Variants in SRCAP observed in about 807,000 individuals in gnomAD.
SRCAP encodes chromatin remodeling protein SRCAP.
SRCAP carries 46 observed loss-of-function variants against 263.1 expected under a neutral mutation model. The ratio of observed to expected loss-of-function variants is 0.17; its 90% CI spans 0.14 to 0.22. The LOEUF (loss-of-function observed/expected upper bound fraction) is 0.22. Ranked by LOEUF, SRCAP falls within the 10% of genes least tolerant of loss-of-function variation. SRCAP has a pLI of 1.00. For synonymous variants in SRCAP, 1,813 were observed against 1,662.1 expected (o/e 1.09, Z -2.21); for missense variants, 3,695 against 4,181.9 (o/e 0.88, Z 3.21).
In SRCAP at chr16:30,716,168, C is replaced by T. The variant is rs1348506199; in HGVS notation, c.2596C>T (p.Arg866Cys). 3 of 1,614,136 alleles carry T rather than the reference C, an allele frequency of 1.9e-6. No individual in the cohort carries two copies. The highest frequency in any genetic ancestry group is 2.5e-6 in the Non-Finnish European group (3 of 1,180,036). The change falls in exon 17 of 34, where the codon CGC becomes TGC. Residue 866 changes from arginine to cysteine, a missense_variant. This residue lies in a region of SRCAP where 147 missense variants were observed against 212.7 expected (regional missense o/e 0.69). Coordinates refer to ENST00000262518, the MANE Select transcript of SRCAP (RefSeq NM_006662.3). ...CCGCTGCAGGCTCTCCAAGCGTCAA[C>T]GCTGTCTCTATGATGACTTCATGGC... ...VIRCRLSKRQ[R>C]CLYDDFMAQT...
At chr16:30,700,490 C>T in intron 2 of SRCAP, 126 bp from the exon 3 acceptor site, 1 of 237,824 alleles carries the variant, frequency 4.2e-6, no homozygotes, top group South Asian at 7.2e-5. Flanking sequence ...AGTAAGTGCT[C>T]AAGAAATGTA....
rs752152893 is a variant in SRCAP at position 30,704,195 on chromosome 16, C to T, written c.186C>T (p.Gly62=). 1.8e-5 allele frequency: 29 copies of T among 1,614,036 alleles called. No homozygotes were observed. Among genetic ancestry groups the T allele is most frequent in the Non-Finnish European group, 2.4e-5 (28 of 1,180,032 alleles). Residue 62 remains glycine, a synonymous_variant, in exon 4 of 34, where the codon GGC becomes GGT. Transcript: ENST00000262518. ...ATTCCTCACTGGATGGACCTCCAGGCCCCCCAGATGGTGCCACAGTGCCCC... is the reference window on the plus strand; with the variant it reads ...ATTCCTCACTGGATGGACCTCCAGGTCCCCCAGATGGTGCCACAGTGCCCC... The part of the protein sequence containing the change: ...AQDSSLDGPP[G]PPDGATVPLE...
intron 23 of SRCAP, 28 bp downstream of exon 23, chr16:30,722,776 C>T (rs746081429): frequency 6.3e-7 from 1 of 1,590,312 alleles, no homozygotes. Context: ...CCTACTTAGC[C>T]CTTGCTGGCC....
At chr16:30,709,816 C>A in intron 7 of SRCAP, 35 bp from the exon 8 acceptor site, 1 of 1,613,344 alleles carries the variant, frequency 6.2e-7, no homozygotes, top group African/African-American at 1.3e-5. Context: ...GCTTGCAGGG[C>A]CCGTGGACTT....
chr16:30,723,224 T>G lies in SRCAP; in HGVS notation c.4154T>G (p.Val1385Gly). Residue 1385 changes from valine (V) to glycine (G), a missense_variant, in exon 24 of 34, where the codon GTC becomes GGC. Coordinates refer to ENST00000262518, the MANE Select transcript of SRCAP (RefSeq NM_006662.3). ...CTGGTCCACAGTCCTTCACCTGAAG[T>G]CAGTGGTGAGTCCAGGTGGCTGAGG... is the stretch of plus-strand genomic sequence containing the variant. ...LKLVHSPSPE[V>G]SASAPGAAPL... The G allele has an allele frequency of 6.2e-7, 1 of 1,607,562 alleles. No individual in the cohort carries two copies. The highest frequency in any genetic ancestry group is 2.2e-5 in the East Asian group (1 of 44,694).
At chr16:30,726,583 C>A (rs571142992) in intron 25 of SRCAP, among the ~76,000 whole-genome samples, 20 of 151,692 alleles carry the variant, frequency 1.3e-4, no homozygotes, top group Non-Finnish European at 2.1e-4. Flanking sequence ...TGCTTTGGCA[C>A]GGTCTTGGCT....
chr16:30,729,289 T>G (rs771261092), intron 26 of SRCAP, 58 bp downstream of exon 26: 1 of 1,598,914 alleles, frequency 6.3e-7, no homozygotes, highest in Non-Finnish European at 8.5e-7. Flanking sequence ...GTGGATGTAG[T>G]GCTTAGGGCT....
chr16:30,703,977 C>A, intron 3 of SRCAP, 87 bp from the exon 4 acceptor site: 1 of 1,465,890 alleles, frequency 6.8e-7, no homozygotes, highest in South Asian at 1.4e-5. Flanking sequence ...ACAGTTTTTT[C>A]TTGTGAAGAT....
In SRCAP at chr16:30,724,436, C is replaced by G. The variant is rs745331225; in HGVS notation, c.5012C>G (p.Pro1671Arg). The change falls in exon 25 of 34, where the codon CCT becomes CGT. Residue 1671 changes from proline (P) to arginine (R), a missense_variant. Coordinates refer to ENST00000262518, the MANE Select transcript of SRCAP (RefSeq NM_006662.3). Reference sequence around the variant, plus strand: ...ATGCTACCAGCCCCGGTTCCGTCACCTCTCCCGAGCCCGGCTTCTACGCAG... The same window carrying G: ...ATGCTACCAGCCCCGGTTCCGTCACGTCTCCCGAGCCCGGCTTCTACGCAG... ...QTMLPAPVPS[P>R]LPSPASTQTL... The G allele has an allele frequency of 6.2e-7, 1 of 1,614,212 alleles. No individual in the cohort carries two copies. The highest frequency in any genetic ancestry group is 1.1e-5 in the South Asian group (1 of 91,088).
chr16:30,724,097 C>G lies in SRCAP; in HGVS notation c.4673C>G (p.Pro1558Arg), dbSNP rs1180871134. 1.9e-6 allele frequency: 3 copies of G among 1,613,618 alleles called. No individual in the cohort carries two copies. Among genetic ancestry groups the G allele is most frequent in the Admixed American group, 1.7e-5 (1 of 60,010 alleles). The change falls in exon 25 of 34, where the codon CCT becomes CGT. Residue 1558 changes from proline to arginine, a missense_variant. Coordinates refer to ENST00000262518, the MANE Select transcript of SRCAP (RefSeq NM_006662.3). Reference sequence around the variant, plus strand: ...GTGCCAGCTTCGGCTCTGGCCAGTCCTTTTCCGTCAGCACCAAATCCAGCT... The same window carrying G: ...GTGCCAGCTTCGGCTCTGGCCAGTCGTTTTCCGTCAGCACCAAATCCAGCT... The part of the protein sequence containing the change: ...VLVPASALAS[P>R]FPSAPNPAPA...
intron 27 of SRCAP, among the ~76,000 whole-genome samples, chr16:30,732,669 T>C (rs959772580): frequency 1.3e-5 from 2 of 152,228 alleles, no homozygotes; most frequent in African/African-American, 4.8e-5. Flanking sequence ...GTGGTATGAC[T>C]ATTGTAATAC....
chr16:30,703,279 C>A (rs1208715867), intron 3 of SRCAP, among the ~76,000 whole-genome samples: 1 of 151,288 alleles, frequency 6.6e-6, no homozygotes, highest in African/African-American at 2.4e-5. Context: ...CCGCCTCCCA[C>A]GCCTCCCAGG....
chr16:30,721,592 G>A (rs1033264750), intron 21 of SRCAP, 116 bp downstream of exon 21: 26 of 1,383,120 alleles, frequency 1.9e-5, no homozygotes, highest in African/African-American at 1.4e-4. Flanking sequence ...CTATAATCCC[G>A]GTGCTTTGGG....
intron 25 of SRCAP, 135 bp downstream of exon 25, chr16:30,725,217 C>T: frequency 6.9e-7 from 1 of 1,439,708 alleles, no homozygotes; most frequent in South Asian, 1.5e-5. Context: ...ACTTGAGTGA[C>T]ATTTGGACAA....
At chr16:30,708,457 A>G (rs1356705767) in intron 6 of SRCAP, among the ~76,000 whole-genome samples, 1 of 151,928 alleles carries the variant, frequency 6.6e-6, no homozygotes, top group Non-Finnish European at 1.5e-5. Context: ...GCAGTGGCGC[A>G]ATCTTGGCTC....
In SRCAP at chr16:30,737,936, C is replaced by T. The variant is rs1340174793; in HGVS notation, c.7896C>T (p.Thr2632=). ...QEAPDSAEGT[T]LTVLPEGEEL... is the part of the protein sequence containing the mutation. ...CACCAGATTCTGCTGAGGGGACCAC[C>T]CTTACAGTGCTGCCTGAAGGTGAGG... Residue 2632 remains threonine, a synonymous_variant, in exon 34 of 34, where the codon ACC becomes ACT. Coordinates refer to ENST00000262518, the MANE Select transcript of SRCAP (RefSeq NM_006662.3). 6.2e-7 allele frequency: 1 copy of T among 1,614,168 alleles called. No individual in the cohort carries two copies. Among genetic ancestry groups the T allele is most frequent in the South Asian group, 1.1e-5 (1 of 91,082 alleles).
At position 30,736,614 on chromosome 16, in the gene SRCAP, A is replaced by G; in HGVS notation, c.6998A>G (p.Lys2333Arg). The change falls in exon 33 of 34, where the codon AAA becomes AGA. Residue 2333 changes from lysine (K) to arginine (R), a missense_variant. This residue lies in a region of SRCAP where 91 missense variants were observed against 150.6 expected (regional missense o/e 0.60). Transcript: ENST00000262518. ...SLEEVSREEL[K>R]QAEEQVEAAR... ...GAGGAGGTGAGCCGAGAGGAGCTCA[A>G]ACAGGCAGAAGTGAGTATTTCCAGG... 6.2e-7 allele frequency: 1 copy of G among 1,614,220 alleles called. No individual in the cohort carries two copies.
intron 8 of SRCAP, chr16:30,710,506 T>C (rs1161676000): frequency 1.3e-6 from 1 of 747,140 alleles, no homozygotes; most frequent in East Asian, 2.5e-5. Flanking sequence ...CTCAAGTGCA[T>C]GGGGAAGTGT....
chr16:30,738,670 TGGA>T lies in SRCAP; in HGVS notation c.8631_8633del (p.Asp2878del), dbSNP rs2053187031. ...TCTCCAGCAGATGCTGGGAGAGGTG[TGGA>T]TGAGGCACCCTCATCCACCTTGAAG... On this transcript the variant is annotated inframe_deletion, in exon 34 of 34. Coordinates refer to ENST00000262518, the MANE Select transcript of SRCAP (RefSeq NM_006662.3). The T allele has an allele frequency of 1.2e-6, 2 of 1,612,910 alleles. No homozygotes were observed. Among genetic ancestry groups the T allele is most frequent in the Non-Finnish European group, 1.7e-6 (2 of 1,179,636 alleles).
Sources: gnomAD v4.1 joint callset for allele counts (sites outside exome capture counted in the v4.1 genomes callset) on GRCh38, gnomAD v4.1.1 for gene constraint, gnomAD v4.1.1 regional missense constraint, MANE v1.5 for transcripts, NCBI Gene and HGNC (gene_info 2026-07-23, HGNC 2026-07-21) for gene names.